The following AKT3 variants were observed in gnomAD, a reference collection of about 807,000 sequenced individuals.
AKT3 encodes the protein AKT serine/threonine kinase 3.
AKT3 carries 15 observed loss-of-function variants against 65.3 expected under a neutral mutation model. The ratio of observed to expected loss-of-function variants is 0.23; its 90% CI spans 0.15 to 0.35. The LOEUF is 0.35. Among genes scored for constraint, AKT3 ranks in the 10% least tolerant of loss-of-function variants. The probability of loss-of-function intolerance (pLI) is 1.00; values close to 1 mark genes in which losing one functional copy is unlikely to be tolerated. For synonymous variants in AKT3, 206 were observed against 183.8 expected (o/e 1.12, Z -0.98); for missense variants, 243 against 576.5 (o/e 0.42, Z 5.92).
At chr1:243,565,322 C>CA (rs1297677209) in intron 9 of AKT3, among the ~76,000 whole-genome samples, 1 of 152,226 alleles carries the variant, frequency 6.6e-6, no homozygotes, top group Non-Finnish European at 1.5e-5. Context: ...ACCTCTGCCT[C>CA]AGCAGCTCAA....
At chr1:243,710,826 A>G (rs1686098464) in intron 2 of AKT3, among the ~76,000 whole-genome samples, 1 of 152,184 alleles carries the variant, frequency 6.6e-6, no homozygotes, top group Non-Finnish European at 1.5e-5. Context: ...TCTGCAAAAT[A>G]AAGAGTTGTG....
chr1:243,625,057 C>T, intron 6 of AKT3: 1 of 330,582 alleles, frequency 3.0e-6, no homozygotes, highest in South Asian at 3.4e-5. Flanking sequence ...CCTCCTCCAC[C>T]CTTGCCCTTT....
intron 2 of AKT3, among the ~76,000 whole-genome samples, chr1:243,765,898 A>G (rs1689789587): frequency 6.6e-6 from 1 of 152,182 alleles, no homozygotes; most frequent in African/African-American, 2.4e-5. Context: ...GTTTTTACCT[A>G]CTGCCACAGA....
chr1:243,795,119 C>G (rs1357887568), intron 2 of AKT3, among the ~76,000 whole-genome samples: 1 of 151,666 alleles, frequency 6.6e-6, no homozygotes, highest in African/African-American at 2.4e-5. Flanking sequence ...ATCACTCCCT[C>G]TCCACCTCTC....
chr1:243,550,836 G>A (rs1279070888), intron 11 of AKT3, among the ~76,000 whole-genome samples: 2 of 140,994 alleles, frequency 1.4e-5, no homozygotes, highest in Admixed American at 7.2e-5. Context: ...GCAGGCGCCT[G>A]TAGTCCCAGC....
downstream of AKT3, among the ~76,000 whole-genome samples, chr1:243,494,982 T>G (rs1667425849): frequency 6.6e-6 from 1 of 152,256 alleles, no homozygotes; most frequent in Admixed American, 6.5e-5. Flanking sequence ...TCTCTGCTGT[T>G]GGTGACACTG....
chr1:243,713,962 A>G (rs1346368823), intron 2 of AKT3, among the ~76,000 whole-genome samples: 1 of 152,090 alleles, frequency 6.6e-6, no homozygotes, highest in African/African-American at 2.4e-5. Flanking sequence ...CTAAGGGAAA[A>G]AAAAACTGGA....
At chr1:243,749,560 A>C (rs1012828494) in intron 2 of AKT3, among the ~76,000 whole-genome samples, 4 of 152,186 alleles carry the variant, frequency 2.6e-5, no homozygotes, top group Admixed American at 6.5e-5. Context: ...TTCAAGAACT[A>C]ACCCCTCTTT....
intron 1 of AKT3, 50 bp downstream of exon 1, chr1:243,849,990 A>C: frequency 2.1e-6 from 2 of 968,330 alleles, no homozygotes; most frequent in Non-Finnish European, 2.5e-6. Context: ...GCCCGGAGGG[A>C]GTGGAGGCCA....
chr1:243,489,403 C>T (rs576566744), intron 13 of AKT3, among the ~76,000 whole-genome samples: 1 of 152,156 alleles, frequency 6.6e-6, no homozygotes, highest in African/African-American at 2.4e-5. Flanking sequence ...TGCCAAGTTG[C>T]GCCGTGCAGG....
At chr1:243,694,527 GC>G (rs1684932904) in intron 3 of AKT3, among the ~76,000 whole-genome samples, 7 of 151,146 alleles carry the variant, frequency 4.6e-5, no homozygotes, top group Admixed American at 1.3e-4. Context: ...AACAGAGAAA[GC>G]TTTTTTTTTT....
chr1:243,594,968 A>G (rs1195685645), intron 8 of AKT3, among the ~76,000 whole-genome samples: 1 of 152,208 alleles, frequency 6.6e-6, no homozygotes, highest in Non-Finnish European at 1.5e-5. Flanking sequence ...CTCACAGCAT[A>G]CATAAAAATT....
chr1:243,757,963 A>G (rs77540150), intron 2 of AKT3, among the ~76,000 whole-genome samples: 35 of 152,204 alleles, frequency 2.3e-4, no homozygotes, highest in African/African-American at 7.9e-4. Context: ...GAGTTTCGCC[A>G]TGTTGGCCAG....
At chr1:243,687,107 C>A (rs1359574649) in intron 3 of AKT3, among the ~76,000 whole-genome samples, 1 of 151,968 alleles carries the variant, frequency 6.6e-6, no homozygotes, top group Admixed American at 6.6e-5. Context: ...GAACCTAGTC[C>A]CAAAGTCAGG....
chr1:243,548,287 G>C (rs180944303), intron 11 of AKT3: 9 of 152,152 alleles, frequency 5.9e-5, no homozygotes, highest in Non-Finnish European at 1.2e-4. Flanking sequence ...GGGAGTTGGA[G>C]TGGAGAATCA....
At chr1:243,806,020 C>A (rs952243955) in intron 2 of AKT3, among the ~76,000 whole-genome samples, 7 of 152,132 alleles carry the variant, frequency 4.6e-5, no homozygotes, top group African/African-American at 1.4e-4. Context: ...GGCATGCACA[C>A]ACACACTCCT....
intron 2 of AKT3, among the ~76,000 whole-genome samples, chr1:243,744,793 T>C (rs553030083): frequency 4.0e-5 from 6 of 151,824 alleles, no homozygotes; most frequent in African/African-American, 1.2e-4. Flanking sequence ...ACTCTCTTGA[T>C]TGATCACATT....
intron 2 of AKT3, among the ~76,000 whole-genome samples, chr1:243,834,402 G>A (rs1694753366): frequency 6.6e-6 from 1 of 152,128 alleles, no homozygotes; most frequent in Non-Finnish European, 1.5e-5. Context: ...ACTAATGAAG[G>A]AGTAGAAAAC....
intron 4 of AKT3, among the ~76,000 whole-genome samples, chr1:243,654,004 T>C (rs1407194920): frequency 6.6e-6 from 1 of 152,158 alleles, no homozygotes; most frequent in African/African-American, 2.4e-5. Flanking sequence ...CCTGTTGGCT[T>C]TTCAGTCGTC....
Sources: allele counts gnomAD v4.1 joint callset (sites outside exome capture counted in the v4.1 genomes callset), GRCh38; gene constraint gnomAD v4.1.1; transcripts MANE v1.5; gene names NCBI Gene and HGNC (gene_info 2026-07-23, HGNC 2026-07-21).